HS6ST3: variants seen among roughly 807,000 people sequenced by gnomAD.
The protein encoded by HS6ST3 is heparan-sulfate 6-O-sulfotransferase 3.
In HS6ST3, 12 loss-of-function variants were observed where a neutral mutation model predicts 36.7. The ratio of observed to expected loss-of-function variants is 0.33; its 90% CI spans 0.21 to 0.53. The LOEUF is 0.53. Among genes scored for constraint, HS6ST3 ranks in the 20% least tolerant of loss-of-function variants. The probability of loss-of-function intolerance (pLI) is 0.95; values close to 1 mark genes in which losing one functional copy is unlikely to be tolerated. For synonymous variants in HS6ST3, 240 were observed against 257.5 expected, an observed-to-expected ratio of 0.93 and a Z score of 0.65; for missense variants, 584 against 640.9, an observed-to-expected ratio of 0.91 and a Z score of 0.96.
At chr13:96,431,486 C>T (rs892205641) in intron 1 of HS6ST3, among the ~76,000 whole-genome samples, 5 of 152,156 alleles carry the variant, frequency 3.3e-5, no homozygotes, top group Admixed American at 1.3e-4. Context: ...CTCTCCCTCA[C>T]ATCTTCTTCT....
At chr13:96,124,310 G>T (rs568025399) in intron 1 of HS6ST3, among the ~76,000 whole-genome samples, 1 of 152,134 alleles carries the variant, frequency 6.6e-6, no homozygotes, top group Non-Finnish European at 1.5e-5. Context: ...GACCACCAGG[G>T]ACTTGAATGG....
chr13:96,126,379 C>T (rs1376399534), intron 1 of HS6ST3, among the ~76,000 whole-genome samples: 2 of 152,200 alleles, frequency 1.3e-5, no homozygotes, highest in African/African-American at 4.8e-5. Flanking sequence ...TGACCTTAGT[C>T]GTTGAACCCT....
intron 1 of HS6ST3, among the ~76,000 whole-genome samples, chr13:96,711,573 C>A (rs961776535): frequency 6.6e-6 from 1 of 152,168 alleles, no homozygotes; most frequent in Non-Finnish European, 1.5e-5. Flanking sequence ...ACTTTTGTCA[C>A]TTCCTGTCCT....
chr13:96,159,753 C>T (rs2054127516), intron 1 of HS6ST3, among the ~76,000 whole-genome samples: 1 of 152,260 alleles, frequency 6.6e-6, no homozygotes, highest in Non-Finnish European at 1.5e-5. Flanking sequence ...TAATTTTGAG[C>T]TACAAAAAGA....
At chr13:96,357,597 C>G (rs941655897) in intron 1 of HS6ST3, among the ~76,000 whole-genome samples, 12 of 152,154 alleles carry the variant, frequency 7.9e-5, no homozygotes, top group African/African-American at 2.9e-4. Context: ...AGGTCTTGCT[C>G]TGTTGCCCAG....
At chr13:96,810,828 G>T (rs1296128298) in intron 1 of HS6ST3, among the ~76,000 whole-genome samples, 1 of 152,190 alleles carries the variant, frequency 6.6e-6, no homozygotes, top group Non-Finnish European at 1.5e-5. Flanking sequence ...CAAAACACAA[G>T]ATGAACAAAA....
chr13:96,472,653 A>G (rs916682539), intron 1 of HS6ST3, among the ~76,000 whole-genome samples: 1 of 152,154 alleles, frequency 6.6e-6, no homozygotes, highest in African/African-American at 2.4e-5. Flanking sequence ...CGTTCCTCAA[A>G]GGCTATAGCA....
At chr13:96,708,126 T>C (rs929668872) in intron 1 of HS6ST3, among the ~76,000 whole-genome samples, 5 of 152,234 alleles carry the variant, frequency 3.3e-5, no homozygotes, top group African/African-American at 1.2e-4. Context: ...TAAGTGCTGG[T>C]GTCATGAGTT....
At chr13:96,218,937 G>A (rs1284036277) in intron 1 of HS6ST3, among the ~76,000 whole-genome samples, 1 of 152,140 alleles carries the variant, frequency 6.6e-6, no homozygotes, top group Non-Finnish European at 1.5e-5. Context: ...AGCCTGTGGT[G>A]GAGTATCTGT....
intron 1 of HS6ST3, among the ~76,000 whole-genome samples, chr13:96,494,498 T>A (rs1193197696): frequency 1.3e-5 from 2 of 150,370 alleles, no homozygotes; most frequent in African/African-American, 2.5e-5. Context: ...CATATGTAAC[T>A]AACCTGCACG....
intron 1 of HS6ST3, among the ~76,000 whole-genome samples, chr13:96,717,181 AAG>A (rs1875720196): frequency 6.6e-6 from 1 of 152,190 alleles, no homozygotes; most frequent in African/African-American, 2.4e-5. Context: ...GTAGTCAAGA[AAG>A]AGAGAGAAAG....
At chr13:96,418,723 C>A (rs945205447) in intron 1 of HS6ST3, among the ~76,000 whole-genome samples, 1 of 152,118 alleles carries the variant, frequency 6.6e-6, no homozygotes, top group African/African-American at 2.4e-5. Context: ...GAGAGGAGGC[C>A]GGCAGTAACA....
chr13:96,560,124 T>A (rs2056256401), intron 1 of HS6ST3, among the ~76,000 whole-genome samples: 2 of 152,200 alleles, frequency 1.3e-5, no homozygotes, highest in Non-Finnish European at 2.9e-5. Context: ...AAAGTATGGG[T>A]ACATTATTTA....
intron 1 of HS6ST3, among the ~76,000 whole-genome samples, chr13:96,178,572 G>A (rs148281279): frequency 6.6e-6 from 1 of 152,050 alleles, no homozygotes; most frequent in Non-Finnish European, 1.5e-5. Flanking sequence ...TAGCTGTGAG[G>A]GTGAGAAGTG....
chr13:96,521,326 G>T (rs2056092545), intron 1 of HS6ST3, among the ~76,000 whole-genome samples: 1 of 151,958 alleles, frequency 6.6e-6, no homozygotes, highest in South Asian at 2.1e-4. Context: ...TTTGTGGCGT[G>T]TCTGCCAGGC....
At chr13:96,302,428 A>C (rs2054888103) in intron 1 of HS6ST3, among the ~76,000 whole-genome samples, 1 of 152,204 alleles carries the variant, frequency 6.6e-6, no homozygotes, top group African/African-American at 2.4e-5. Flanking sequence ...GATATGGGTA[A>C]ATCTTTATAA....
intron 1 of HS6ST3, among the ~76,000 whole-genome samples, chr13:96,329,494 G>A (rs1026645144): frequency 6.7e-6 from 1 of 148,250 alleles, no homozygotes; most frequent in African/African-American, 2.6e-5. Context: ...GACCGGTTTT[G>A]AGTGAGATTC....
At chr13:96,824,253 C>A (rs1030088460) in intron 1 of HS6ST3, among the ~76,000 whole-genome samples, 1 of 152,202 alleles carries the variant, frequency 6.6e-6, no homozygotes, top group Non-Finnish European at 1.5e-5. Flanking sequence ...AGCTTGGTGC[C>A]GTGCGACGCA....
intron 1 of HS6ST3, among the ~76,000 whole-genome samples, chr13:96,205,993 G>T (rs1461579216): frequency 1.3e-5 from 2 of 152,074 alleles, no homozygotes; most frequent in Non-Finnish European, 2.9e-5. Flanking sequence ...GAAATAAAGG[G>T]TATTCAAATA....
Sources: allele counts gnomAD v4.1 joint callset (sites outside exome capture counted in the v4.1 genomes callset), GRCh38; gene constraint gnomAD v4.1.1; transcripts MANE v1.5; gene names NCBI Gene and HGNC (gene_info 2026-07-23, HGNC 2026-07-21).